Variants in OPCML observed in about 807,000 individuals in gnomAD.
OPCML encodes the protein opioid-binding protein/cell adhesion molecule.
OPCML carries 13 observed loss-of-function variants against 37.8 expected under a neutral mutation model. That is an observed-to-expected ratio of 0.34 (90% CI 0.22 to 0.55). The LOEUF is 0.55. Among genes scored for constraint, OPCML ranks in the 20% least tolerant of loss-of-function variants. The pLI is 0.91. For missense variants in OPCML, 341 were observed against 435.6 expected (o/e 0.78, Z 1.93); for synonymous variants, 176 against 168.8 (o/e 1.04, Z -0.33).
In OPCML at chr11:132,734,158, T is replaced by C. The variant is rs147894391; in HGVS notation, c.147-76839A>G. Among the ~76,000 whole-genome samples the C allele has an allele frequency of 1.9e-4, 29 of 152,282 alleles. No individual in the cohort carries two copies. The East Asian group carries it at 3.3e-3, about 17-fold the overall frequency. ...TATTCAGTAAATGATAGGAAACACA[T>C]ATACACACAATGGAGCTTCAGATTT... On this transcript the variant is annotated intron_variant, in intron 2 of 7. Coordinates refer to ENST00000524381, the MANE Select transcript of OPCML (RefSeq NM_001012393.5).
intron 1 of OPCML, among the ~76,000 whole-genome samples, chr11:133,276,159 G>A (rs2136494554): frequency 6.6e-6 from 1 of 152,278 alleles, no homozygotes; most frequent in Admixed American, 6.5e-5. Flanking sequence ...TTTTTTATTA[G>A]TGGCAAAGAG....
intron 4 of OPCML, among the ~76,000 whole-genome samples, chr11:132,520,350 C>A (rs1286346435): frequency 6.6e-6 from 1 of 152,172 alleles, no homozygotes; most frequent in Non-Finnish European, 1.5e-5. Context: ...ATTCATTTGT[C>A]ATTACTTAAC....
intron 1 of OPCML, chr11:133,006,992 A>G: frequency 2.0e-6 from 2 of 985,444 alleles, no homozygotes; most frequent in South Asian, 4.7e-5. Context: ...TTCTCCCTCT[A>G]AAGCAATCAT....
At chr11:133,290,910 C>T (rs1157405535) in intron 1 of OPCML, among the ~76,000 whole-genome samples, 1 of 152,204 alleles carries the variant, frequency 6.6e-6, no homozygotes, top group African/African-American at 2.4e-5. Context: ...GTTACTCTCC[C>T]AGGGCCACTT....
At chr11:132,503,236 C>T (rs1159420177) in intron 4 of OPCML, among the ~76,000 whole-genome samples, 1 of 152,136 alleles carries the variant, frequency 6.6e-6, no homozygotes, top group Non-Finnish European at 1.5e-5. Flanking sequence ...TGAGGCTACA[C>T]TTTTTTCCTG....
chr11:132,775,355 T>G (rs1946775550), intron 2 of OPCML, among the ~76,000 whole-genome samples: 2 of 152,216 alleles, frequency 1.3e-5, no homozygotes, highest in Non-Finnish European at 2.9e-5. Context: ...ACTCCCAGAA[T>G]TGATTTGATG....
intron 1 of OPCML, among the ~76,000 whole-genome samples, chr11:133,499,177 T>C (rs1447101687): frequency 6.6e-6 from 1 of 152,132 alleles, no homozygotes; most frequent in Non-Finnish European, 1.5e-5. Flanking sequence ...TTTGCTGACC[T>C]GGCAGCAAAC....
intron 1 of OPCML, among the ~76,000 whole-genome samples, chr11:133,119,745 G>A (rs1024359689): frequency 2.6e-5 from 4 of 152,212 alleles, no homozygotes; most frequent in African/African-American, 9.6e-5. Context: ...GTAATGAGAA[G>A]TTCACCAGTC....
chr11:132,765,454 T>C (rs1946404971), intron 2 of OPCML, among the ~76,000 whole-genome samples: 3 of 152,234 alleles, frequency 2.0e-5, no homozygotes, highest in African/African-American at 4.8e-5. Flanking sequence ...GAATCTATGG[T>C]GGCTCTCCAT....
At chr11:133,134,103 T>C (rs138923730) in intron 1 of OPCML, among the ~76,000 whole-genome samples, 1 of 152,230 alleles carries the variant, frequency 6.6e-6, no homozygotes, top group African/African-American at 2.4e-5. Flanking sequence ...TCAATGCAAA[T>C]CACAGGAGCT....
chr11:133,451,978 T>C (rs934356207), intron 1 of OPCML, among the ~76,000 whole-genome samples: 3 of 143,116 alleles, frequency 2.1e-5, no homozygotes, highest in Admixed American at 6.8e-5. Flanking sequence ...AACACAGAGG[T>C]TGGACTTTGA....
intron 4 of OPCML, among the ~76,000 whole-genome samples, chr11:132,465,784 T>C (rs929880777): frequency 2.0e-5 from 3 of 152,214 alleles, no homozygotes; most frequent in Non-Finnish European, 4.4e-5. Context: ...AAATATCTTA[T>C]ATACTTTTTA....
chr11:133,057,746 C>G (rs983455954), intron 1 of OPCML, among the ~76,000 whole-genome samples: 3 of 152,188 alleles, frequency 2.0e-5, no homozygotes, highest in African/African-American at 7.2e-5. Context: ...CCCTTCATTG[C>G]ACATCCTTCT....
At chr11:133,185,514 A>T (rs542729573) in intron 1 of OPCML, among the ~76,000 whole-genome samples, 1 of 152,324 alleles carries the variant, frequency 6.6e-6, no homozygotes, top group East Asian at 1.9e-4. Context: ...CCAGTGATGG[A>T]GATGGGGTTC....
chr11:132,523,622 A>T (rs887954676), intron 4 of OPCML, among the ~76,000 whole-genome samples: 1 of 152,222 alleles, frequency 6.6e-6, no homozygotes, highest in African/African-American at 2.4e-5. Context: ...AGCTATTTTT[A>T]AAAAGACACA....
At chr11:132,880,087 T>C (rs910675225) in intron 2 of OPCML, among the ~76,000 whole-genome samples, 6 of 152,202 alleles carry the variant, frequency 3.9e-5, no homozygotes, top group African/African-American at 1.4e-4. Context: ...CCAAACACTT[T>C]CGCTGATCAT....
chr11:133,183,249 G>T (rs1002861398), intron 1 of OPCML, among the ~76,000 whole-genome samples: 1 of 152,122 alleles, frequency 6.6e-6, no homozygotes, highest in African/African-American at 2.4e-5. Context: ...AATAAGAAAC[G>T]CACACTGACT....
chr11:133,408,674 C>G (rs952237889), intron 1 of OPCML, among the ~76,000 whole-genome samples: 5 of 152,078 alleles, frequency 3.3e-5, no homozygotes, highest in Admixed American at 6.6e-5. Context: ...GGGCCTTGTA[C>G]ACATGCCTAT....
chr11:133,243,573 T>C (rs1940810240), intron 1 of OPCML, among the ~76,000 whole-genome samples: 1 of 152,088 alleles, frequency 6.6e-6, no homozygotes, highest in Non-Finnish European at 1.5e-5. Flanking sequence ...GCAGATAATG[T>C]TGAGAGGCAG....
Sources: gnomAD v4.1 joint callset for allele counts (sites outside exome capture counted in the v4.1 genomes callset) on GRCh38, gnomAD v4.1.1 for gene constraint, MANE v1.5 for transcripts, NCBI Gene and HGNC (gene_info 2026-07-23, HGNC 2026-07-21) for gene names.